The following SGO1 variants were observed in gnomAD, a reference collection of about 807,000 sequenced individuals.
The protein encoded by SGO1 is shugoshin 1.
Under a neutral mutation model 50.5 loss-of-function variants are expected in SGO1, and 39 were observed. The observed-to-expected ratio is 0.77, with a 90% confidence interval of 0.60 to 1.01. SGO1 has a LOEUF of 1.01. SGO1 is among the 50% of genes least tolerant of loss of function. The pLI is 0.00. For synonymous variants in SGO1, 191 were observed against 205.1 expected (o/e 0.93, Z 0.59); for missense variants, 638 against 606.0 (o/e 1.05, Z -0.55).
At chr3:20,178,798 T>C (rs551449717) in intron 3 of SGO1, among the ~76,000 whole-genome samples, 23 of 152,280 alleles carry the variant, frequency 1.5e-4, no homozygotes, top group African/African-American at 5.5e-4. Context: ...GGCTGGAACA[T>C]AGTCACTGAG....
rs187944631 is a variant in SGO1, at chr3:20,162,671, G to T, written c.1565-1445C>A. ...CAGAAATGACAGAGATAATGGAATC[G>T]GCAGATAGGGGTGTTAAAATAGTTA... On this transcript the variant is annotated intron_variant, in intron 8 of 8. Transcript: ENST00000263753. Among the ~76,000 whole-genome samples the T allele has an allele frequency of 1.6e-3, 241 of 152,004 alleles. 2 individuals carry two copies. The highest frequency in any genetic ancestry group is 3.4e-3 in the Middle Eastern group (1 of 292).
chr3:20,186,326 C>T (rs547634786), upstream of SGO1: 1 of 152,304 alleles, frequency 6.6e-6, no homozygotes, highest in Non-Finnish European at 1.5e-5. Context: ...ACGTGACGCA[C>T]ATTCGCTCAA....
intron 4 of SGO1, chr3:20,177,324 T>C (rs1310676219): frequency 4.1e-5 from 6 of 145,822 alleles, no homozygotes; most frequent in Admixed American, 2.1e-4. Flanking sequence ...TCTTACCTTT[T>C]GCCCACAACA....
downstream of SGO1, among the ~76,000 whole-genome samples, chr3:20,166,810 G>A (rs1252633048): frequency 4.4e-5 from 6 of 135,570 alleles, no homozygotes; most frequent in Admixed American, 2.5e-4. Flanking sequence ...TTTAAGACTG[G>A]CCTAGGAAAC....
At position 20,171,133 on chromosome 3, in the gene SGO1, GA is replaced by G; in HGVS notation, c.1381del (p.Ser461LeufsTer22). The G allele has an allele frequency of 6.2e-7, 1 of 1,613,034 alleles. No individual in the cohort carries two copies. The highest frequency in any genetic ancestry group is 8.5e-7 in the Non-Finnish European group (1 of 1,179,640). Reference sequence around the variant, plus strand: ...TGGGCTTGCTTTATTCTTTTTTGGAGAAAGAGAAAGTCTTCTGATTTTCACA... The same window carrying G: ...TGGGCTTGCTTTATTCTTTTTTGGAGAAGAGAAAGTCTTCTGATTTTCACA... ...PVVKIRRLSL[S>X]PKKNKASPAV... is the part of the protein sequence containing the mutation. On this transcript the variant is annotated frameshift_variant, in exon 7 of 8. Coordinates refer to ENST00000412997, the MANE Select transcript of SGO1 (RefSeq NM_001199251.3). LOFTEE classifies it high-confidence loss of function.
At chr3:20,161,069 TA>T in exon 9 of SGO1, 1 of 1,612,924 alleles carries the variant, frequency 6.2e-7, no homozygotes, top group Admixed American at 1.7e-5. Flanking sequence ...ATGCATGGAC[TA>T]AAAAAGTTTT....
chr3:20,169,673 G>A lies in SGO1; in HGVS notation c.*1031C>T, dbSNP rs1048951336. On this transcript the variant is annotated 3_prime_UTR_variant, in exon 8 of 8. Coordinates refer to ENST00000412997, the MANE Select transcript of SGO1 (RefSeq NM_001199251.3). The stretch of plus-strand genomic sequence containing the variant: ...TCTCTGAGATTTCTGACTAAATAAG[G>A]AGCTACCCTGAAAGTACATGACATT... The A allele has an allele frequency of 1.2e-5, 11 of 941,124 alleles. No individual in the cohort carries two copies. The highest frequency in any genetic ancestry group is 4.9e-5 in the South Asian group (1 of 20,362). The allele number at this position is 941,124 out of a possible 1,614,324, so 58.3% of individuals were successfully genotyped here.
intron 8 of SGO1, among the ~76,000 whole-genome samples, chr3:20,164,115 A>G (rs1575175353): frequency 6.6e-6 from 1 of 152,332 alleles, no homozygotes; most frequent in African/African-American, 2.4e-5. Flanking sequence ...CCAAAGCTAG[A>G]AAAAATTTAA....
In SGO1 at chr3:20,181,975, C is replaced by T. The variant is rs949725323; in HGVS notation, c.339+1633G>A. Among the ~76,000 whole-genome samples, 17 of 151,570 alleles carry T rather than the reference C, an allele frequency of 1.1e-4. No individual in the cohort carries two copies. In the East Asian group the frequency reaches 2.5e-3, roughly 23 times the overall value. On this transcript the variant is annotated intron_variant, in intron 3 of 7. Coordinates refer to ENST00000412997, the MANE Select transcript of SGO1 (RefSeq NM_001199251.3). Reference sequence around the variant, plus strand: ...GCGCATGCCTGTAATCCCAGCTACTCGGGAGGCTGAGGCACGAGAATCACT... The same window carrying T: ...GCGCATGCCTGTAATCCCAGCTACTTGGGAGGCTGAGGCACGAGAATCACT...
rs1033020635 is a variant in SGO1, at chr3:20,169,635, T to TTCA, written c.*1066_*1068dup. 5 of 981,856 alleles carry TTCA rather than the reference T, an allele frequency of 5.1e-6. No homozygotes were observed. In the Admixed American group the frequency reaches 3.1e-4, roughly 60 times the overall value. The allele number at this position is 981,856 out of a possible 1,614,324, so 60.8% of individuals were successfully genotyped here. ...CAAAAATATGCAAAAACCCTAAATATTCACACATTTAATCTCTGAGATTTC... is the reference window on the plus strand; with the variant it reads ...CAAAAATATGCAAAAACCCTAAATATTCATCACACATTTAATCTCTGAGATTTC... On this transcript the variant is annotated 3_prime_UTR_variant, in exon 8 of 8. Transcript: ENST00000412997.
At chr3:20,183,475 A>G in intron 3 of SGO1, 133 bp downstream of exon 3, 1 of 736,458 alleles carries the variant, frequency 1.4e-6, no homozygotes, top group Non-Finnish European at 2.1e-6. Flanking sequence ...ATGCTGGAGC[A>G]CTAAAGAAGG....
chr3:20,169,682 T>C lies in SGO1; in HGVS notation c.*1022A>G, dbSNP rs1455204679. 3 of 924,706 alleles carry C rather than the reference T, an allele frequency of 3.2e-6. No homozygotes were observed. The African/African-American group carries it at 5.4e-5, about 17-fold the overall frequency. The allele number at this position is 924,706 out of a possible 1,614,324, so 57.3% of individuals were successfully genotyped here. A position where few individuals can be genotyped will look rare whatever the true frequency, so the allele number is the denominator to read the frequency against. ...TTTCTGACTAAATAAGGAGCTACCCTGAAAGTACATGACATTTGTAATTTT... is the reference window on the plus strand; with the variant it reads ...TTTCTGACTAAATAAGGAGCTACCCCGAAAGTACATGACATTTGTAATTTT... On this transcript the variant is annotated 3_prime_UTR_variant, in exon 8 of 8. Transcript: ENST00000412997.
Position 20,170,545 on chromosome 3 carries a change from C to T in SGO1, c.*159G>A. 2.4e-6 allele frequency: 3 copies of T among 1,255,648 alleles called. No homozygotes were observed. Among genetic ancestry groups the T allele is most frequent in the South Asian group, 3.4e-5 (1 of 29,220 alleles). The allele number at this position is 1,255,648 out of a possible 1,614,324, so 77.8% of individuals were successfully genotyped here. A position where few individuals can be genotyped will look rare whatever the true frequency, so the allele number is the denominator to read the frequency against. ...ATTAAAGTTTTAATACAAAGCATCC[C>T]ATTTGAAGTATAGTTCTGAAGAAAT... On this transcript the variant is annotated 3_prime_UTR_variant, in exon 8 of 8. Coordinates refer to ENST00000412997, the MANE Select transcript of SGO1 (RefSeq NM_001199251.3).
rs767766637 is a variant in SGO1 at position 20,174,868 on chromosome 3, A to G, written c.663T>C (p.Phe221=). The G allele has an allele frequency of 3.7e-6, 6 of 1,614,046 alleles. No individual in the cohort carries two copies. In the East Asian group the frequency reaches 1.3e-4, roughly 36 times the overall value. The change falls in exon 6 of 8, where the codon TTT becomes TTC. Residue 221 remains phenylalanine (F), a synonymous_variant. Transcript: ENST00000412997. ...FETSHLAGKS[F]EFERVGFLDP... ...CTAAAAATCCAACTCTTTCGAATTC[A>G]AAAGACTTCCCTGCCAAATGACTGG...
intron 3 of SGO1, 117 bp from the exon 4 acceptor site, chr3:20,178,464 GGAACTGA>G: frequency 1.4e-6 from 1 of 735,822 alleles, no homozygotes; most frequent in South Asian, 1.7e-5. Context: ...CATGGTTCTA[GGAACTGA>G]GACTATAACA....
In SGO1 at chr3:20,174,419, G is replaced by C. The variant is rs1216045640; in HGVS notation, c.1112C>G (p.Ser371Ter). The change falls in exon 6 of 8, where the codon TCA becomes TGA. Residue 371 changes from serine to a stop codon, truncating the protein, a stop_gained. Coordinates refer to ENST00000412997, the MANE Select transcript of SGO1 (RefSeq NM_001199251.3). LOFTEE classifies it high-confidence loss of function. ...NNESEVSLCE[S>*]SGSGDDSDDL... Reference sequence around the variant, plus strand: ...ATCGGAATCATCTCCTGAACCACTTGATTCACAGAGGCTCACTTCAGACTC... The same window carrying C: ...ATCGGAATCATCTCCTGAACCACTTCATTCACAGAGGCTCACTTCAGACTC... The C allele has an allele frequency of 6.2e-7, 1 of 1,614,022 alleles. No homozygotes were observed. The highest frequency in any genetic ancestry group is 1.6e-4 in the Middle Eastern group (1 of 6,084).
downstream of SGO1, among the ~76,000 whole-genome samples, chr3:20,166,623 G>C (rs1038211493): frequency 6.6e-6 from 1 of 151,984 alleles, no homozygotes; most frequent in East Asian, 1.9e-4. Context: ...TAGAGTTTTA[G>C]TTTGGGAAGA....
At chr3:20,166,493 C>T (rs1268577964), downstream of SGO1, among the ~76,000 whole-genome samples, 1 of 152,004 alleles carries the variant, frequency 6.6e-6, no homozygotes. Context: ...GACAAATATC[C>T]TATGATTCCA....
At chr3:20,173,236 A>T (rs1180393867) in intron 6 of SGO1, among the ~76,000 whole-genome samples, 3 of 151,788 alleles carry the variant, frequency 2.0e-5, no homozygotes, top group Non-Finnish European at 4.4e-5. Flanking sequence ...GGTACAAGCA[A>T]TTCTTTTTCT....
Sources: gnomAD v4.1 joint callset for allele counts (sites outside exome capture counted in the v4.1 genomes callset) on GRCh38, gnomAD v4.1.1 for gene constraint, MANE v1.5 for transcripts, NCBI Gene and HGNC (gene_info 2026-07-23, HGNC 2026-07-21) for gene names.